The following NKAIN3 variants were observed in gnomAD, a reference collection of about 807,000 sequenced individuals.
NKAIN3 encodes the protein sodium/potassium-transporting ATPase subunit beta-1-interacting protein 3.
NKAIN3 carries 25 observed loss-of-function variants against 30.2 expected under a neutral mutation model. The observed-to-expected ratio is 0.83, with a 90% confidence interval of 0.60 to 1.16. NKAIN3 has a LOEUF of 1.16. NKAIN3 is among the 50% of genes most tolerant of loss of function. The probability of loss-of-function intolerance (pLI) is 0.00; values close to 1 mark genes in which losing one functional copy is unlikely to be tolerated. For synonymous variants in NKAIN3, 91 were observed against 89.6 expected (o/e 1.02, Z -0.09); for missense variants, 225 against 254.1 (o/e 0.89, Z 0.78).
At chr8:62,457,380 A>G (rs1805854599) in intron 1 of NKAIN3, among the ~76,000 whole-genome samples, 1 of 152,236 alleles carries the variant, frequency 6.6e-6, no homozygotes, top group South Asian at 2.1e-4. Flanking sequence ...CTTGCAAAGT[A>G]TCAAGCTCTC....
chr8:62,307,711 T>A (rs1814295245), intron 1 of NKAIN3, among the ~76,000 whole-genome samples: 1 of 150,814 alleles, frequency 6.6e-6, no homozygotes, highest in Non-Finnish European at 1.5e-5. Context: ...TTATATTAAA[T>A]GTTTAGAAAC....
intron 1 of NKAIN3, among the ~76,000 whole-genome samples, chr8:62,258,766 T>C (rs1812338745): frequency 6.6e-6 from 1 of 152,174 alleles, no homozygotes; most frequent in Non-Finnish European, 1.5e-5. Context: ...TTGGGATGCT[T>C]TGGGAAAAAG....
intron 1 of NKAIN3, among the ~76,000 whole-genome samples, chr8:62,301,251 C>T (rs1024309833): frequency 1.3e-5 from 2 of 151,954 alleles, no homozygotes; most frequent in Admixed American, 1.3e-4. Context: ...TTAAGGGAAA[C>T]ATCTCTATAG....
intron 1 of NKAIN3, among the ~76,000 whole-genome samples, chr8:62,430,907 T>C (rs997682824): frequency 3.3e-5 from 5 of 151,884 alleles, no homozygotes; most frequent in Non-Finnish European, 7.4e-5. Context: ...GTTCAATCAT[T>C]AGTAAGCTTC....
intron 1 of NKAIN3, among the ~76,000 whole-genome samples, chr8:62,547,449 A>G (rs1255577710): frequency 1.3e-5 from 2 of 152,218 alleles, no homozygotes; most frequent in Non-Finnish European, 2.9e-5. Context: ...TGGTGTTTTA[A>G]GTTGACTGTC....
chr8:62,338,716 T>C (rs966725847), intron 1 of NKAIN3, among the ~76,000 whole-genome samples: 1 of 151,960 alleles, frequency 6.6e-6, no homozygotes, highest in Admixed American at 6.6e-5. Flanking sequence ...GCTGAAGAAC[T>C]TGGAGTCCAA....
In NKAIN3 at chr8:62,790,601, G is replaced by C. The variant is rs544564797; in HGVS notation, c.471+43472G>C. ...TCTGTCTGTGTGTGTGTGTGTGTGT[G>C]TCTGTCTGTGTGTACAGCAGAAATT... On this transcript the variant is annotated intron_variant, in intron 4 of 6. Coordinates refer to ENST00000623646, the MANE Select transcript of NKAIN3 (RefSeq NM_001304533.3). Among the ~76,000 whole-genome samples, 790 of 147,336 alleles carry C rather than the reference G, an allele frequency of 5.4e-3. 6 individuals carry two copies. Among genetic ancestry groups the C allele is most frequent in the African/African-American group, 0.019 (758 of 40,380 alleles).
intron 1 of NKAIN3, among the ~76,000 whole-genome samples, chr8:62,503,218 C>G (rs532138194): frequency 6.6e-6 from 1 of 152,272 alleles, no homozygotes; most frequent in East Asian, 1.9e-4. Flanking sequence ...AATTGGGCCA[C>G]CAGGGGTGAC....
chr8:62,943,114 G>T (rs1823014055), intron 5 of NKAIN3, among the ~76,000 whole-genome samples: 1 of 152,042 alleles, frequency 6.6e-6, no homozygotes, highest in South Asian at 2.1e-4. Context: ...CAGAGTTGGA[G>T]AAAATCTTTG....
intron 1 of NKAIN3, among the ~76,000 whole-genome samples, chr8:62,549,415 T>C (rs1482196883): frequency 2.0e-5 from 3 of 152,148 alleles, no homozygotes; most frequent in Admixed American, 2.0e-4. Context: ...TCATACTGTG[T>C]AAAATTTAGC....
chr8:62,612,214 A>G (rs1270813309), intron 3 of NKAIN3, among the ~76,000 whole-genome samples: 1 of 151,968 alleles, frequency 6.6e-6, no homozygotes, highest in Non-Finnish European at 1.5e-5. Context: ...TAGTTTGCAA[A>G]TGTTTTCTCC....
At chr8:62,759,044 C>G (rs540441000) in intron 4 of NKAIN3, among the ~76,000 whole-genome samples, 1 of 152,286 alleles carries the variant, frequency 6.6e-6, no homozygotes, top group Admixed American at 6.5e-5. Context: ...GTTAATCACA[C>G]TCTTTTTTCT....
chr8:62,802,110 G>A (rs1336430116), intron 4 of NKAIN3, among the ~76,000 whole-genome samples: 1 of 152,158 alleles, frequency 6.6e-6, no homozygotes, highest in African/African-American at 2.4e-5. Flanking sequence ...CAAGAAATAT[G>A]GAACTATGTG....
At chr8:62,562,008 G>C (rs1356535759) in intron 1 of NKAIN3, among the ~76,000 whole-genome samples, 1 of 152,112 alleles carries the variant, frequency 6.6e-6, no homozygotes, top group Non-Finnish European at 1.5e-5. Flanking sequence ...ATGAGGGTGT[G>C]GCTGAGATGA....
chr8:62,658,374 G>A (rs1267230586), intron 3 of NKAIN3, among the ~76,000 whole-genome samples: 2 of 152,130 alleles, frequency 1.3e-5, no homozygotes, highest in Admixed American at 6.6e-5. Context: ...TTAGGAAACC[G>A]GGACAATCAT....
chr8:62,692,355 G>T (rs535959453), intron 3 of NKAIN3, among the ~76,000 whole-genome samples: 11 of 152,294 alleles, frequency 7.2e-5, no homozygotes, highest in African/African-American at 2.6e-4. Flanking sequence ...GTGTAAATAT[G>T]CATCCAGGTA....
chr8:62,419,104 C>T (rs1037265161), intron 1 of NKAIN3, among the ~76,000 whole-genome samples: 5 of 152,088 alleles, frequency 3.3e-5, no homozygotes, highest in Admixed American at 6.6e-5. Context: ...ACTAAAGGGA[C>T]GTAGGACTAT....
intron 5 of NKAIN3, among the ~76,000 whole-genome samples, chr8:62,950,302 G>A (rs1023129003): frequency 6.6e-6 from 1 of 152,060 alleles, no homozygotes; most frequent in African/African-American, 2.4e-5. Flanking sequence ...TCCCACTCTA[G>A]CAAATGGAAG....
At chr8:62,874,905 A>T (rs1820748409) in intron 4 of NKAIN3, among the ~76,000 whole-genome samples, 1 of 152,222 alleles carries the variant, frequency 6.6e-6, no homozygotes, top group African/African-American at 2.4e-5. Context: ...GAAAACCAGC[A>T]CAACACAAGG....
Sources: allele counts gnomAD v4.1 joint callset (sites outside exome capture counted in the v4.1 genomes callset), GRCh38; gene constraint gnomAD v4.1.1; transcripts MANE v1.5; gene names NCBI Gene and HGNC (gene_info 2026-07-23, HGNC 2026-07-21).